The following THSD7B variants were observed in gnomAD, a reference collection of about 807,000 sequenced individuals.
THSD7B encodes thrombospondin type-1 domain-containing protein 7B.
THSD7B carries 138 observed loss-of-function variants against 213.6 expected under a neutral mutation model. The ratio of observed to expected loss-of-function variants is 0.65; its 90% CI spans 0.56 to 0.74. The LOEUF is 0.74. THSD7B is among the 30% of genes least tolerant of loss of function. The pLI, the probability that THSD7B is intolerant of heterozygous loss-of-function variation, is 0.00. For synonymous variants in THSD7B, 742 were observed against 687.0 expected (o/e 1.08, Z -1.25); for missense variants, 1,931 against 1,991.5 (o/e 0.97, Z 0.58).
chr2:136,948,888 T>G (rs1033752684), intron 2 of THSD7B, among the ~76,000 whole-genome samples: 3 of 150,350 alleles, frequency 2.0e-5, no homozygotes, highest in Admixed American at 1.3e-4. Flanking sequence ...GCTTTTTTGT[T>G]CTTATGTGGT....
At chr2:136,901,982 A>G (rs1684071189) in intron 2 of THSD7B, among the ~76,000 whole-genome samples, 1 of 152,194 alleles carries the variant, frequency 6.6e-6, no homozygotes, top group Non-Finnish European at 1.5e-5. Context: ...AGGTATGTTG[A>G]AGCAGTGTTC....
chr2:137,007,781 A>G (rs1431928106), intron 2 of THSD7B, among the ~76,000 whole-genome samples: 2 of 152,228 alleles, frequency 1.3e-5, no homozygotes, highest in Non-Finnish European at 2.9e-5. Flanking sequence ...TGAAAAACTC[A>G]GAGAAGTCTG....
chr2:137,634,131 G>T (rs1360454932), intron 20 of THSD7B, among the ~76,000 whole-genome samples: 1 of 152,034 alleles, frequency 6.6e-6, no homozygotes, highest in Admixed American at 6.6e-5. Flanking sequence ...TGATTTTGGG[G>T]TTCTTATCAG....
At chr2:137,207,631 T>C (rs761787179) in intron 7 of THSD7B, among the ~76,000 whole-genome samples, 1 of 152,036 alleles carries the variant, frequency 6.6e-6, no homozygotes, top group Admixed American at 6.6e-5. Flanking sequence ...TTTCATAATA[T>C]GGCTAAGAGA....
chr2:137,104,097 T>G (rs942706161), intron 4 of THSD7B, among the ~76,000 whole-genome samples: 2 of 152,136 alleles, frequency 1.3e-5, no homozygotes, highest in Non-Finnish European at 2.9e-5. Context: ...CAGCACCACA[T>G]CACACTTATT....
intron 2 of THSD7B, among the ~76,000 whole-genome samples, chr2:136,985,814 T>C (rs7564933): frequency 0.57 from 86,006 of 152,112 alleles, 26,069 homozygotes; most frequent in East Asian, 0.94. Context: ...AAACTCTAGC[T>C]TATGAGAGCA....
intron 12 of THSD7B, among the ~76,000 whole-genome samples, chr2:137,314,767 T>A (rs1442578147): frequency 1.3e-5 from 2 of 152,180 alleles, no homozygotes; most frequent in Non-Finnish European, 2.9e-5. Context: ...TACTCGGCCT[T>A]GTGAGGTGTC....
Position 137,034,044 on chromosome 2 carries a change from C to T in THSD7B, c.140-22376C>T, listed in dbSNP as rs541330640. Among the ~76,000 whole-genome samples the T allele has an allele frequency of 1.3e-4, 20 of 151,300 alleles. No individual in the cohort carries two copies. The South Asian group carries it at 1.5e-3, about 11-fold the overall frequency. On this transcript the variant is annotated intron_variant, in intron 2 of 27. Transcript: ENST00000409968. The stretch of plus-strand genomic sequence containing the variant: ...GTTCCCACCTATGAGTGAGAACATG[C>T]GGTGTTTGGTTTTCTGTCCTTGTGA...
intron 12 of THSD7B, among the ~76,000 whole-genome samples, chr2:137,282,553 C>A (rs12052520): frequency 0.16 from 23,539 of 151,492 alleles, 2,259 homozygotes; most frequent in East Asian, 0.48. Context: ...ACATTTAAGT[C>A]TTTAATCAAT....
intron 9 of THSD7B, among the ~76,000 whole-genome samples, chr2:137,238,534 C>CTTTTTTTTTTTTTT (rs869146863): frequency 3.9e-5 from 2 of 51,874 alleles, no homozygotes; most frequent in Admixed American, 3.5e-4. Flanking sequence ...ACTCATCTTT[C>CTTTTTTTTTTTTTT]TTTTTTTTTT....
chr2:137,501,295 C>G (rs1010197210), intron 15 of THSD7B, among the ~76,000 whole-genome samples: 2 of 152,006 alleles, frequency 1.3e-5, no homozygotes, highest in Non-Finnish European at 2.9e-5. Flanking sequence ...AAAATTACCT[C>G]TTTTAATAGA....
intron 14 of THSD7B, among the ~76,000 whole-genome samples, chr2:137,438,117 C>A (rs1458457569): frequency 3.9e-5 from 6 of 152,086 alleles, no homozygotes; most frequent in African/African-American, 1.2e-4. Context: ...ATCTACAGAG[C>A]AATTTGAAGT....
At chr2:137,179,086 T>C (rs79433365) in intron 7 of THSD7B, among the ~76,000 whole-genome samples, 1,890 of 152,292 alleles carry the variant, frequency 0.012, 34 homozygotes, top group African/African-American at 0.041. Context: ...CCATTCTATA[T>C]GATTCAAGAA....
intron 1 of THSD7B, among the ~76,000 whole-genome samples, chr2:136,808,660 GT>G (rs1302045823): frequency 6.6e-6 from 1 of 152,202 alleles, no homozygotes; most frequent in African/African-American, 2.4e-5. Flanking sequence ...GAGAGTTCTT[GT>G]TACTCCACAT....
At chr2:136,889,286 TAA>T (rs1683775356) in intron 2 of THSD7B, among the ~76,000 whole-genome samples, 1 of 152,210 alleles carries the variant, frequency 6.6e-6, no homozygotes, top group Non-Finnish European at 1.5e-5. Flanking sequence ...TTCATTTACA[TAA>T]AGAGACAGTT....
intron 15 of THSD7B, among the ~76,000 whole-genome samples, chr2:137,534,071 CTTG>C (rs1377437196): frequency 2.0e-5 from 3 of 150,882 alleles, no homozygotes; most frequent in Admixed American, 1.3e-4. Flanking sequence ...TGGGAAAGAG[CTTG>C]TTTTCTTCCA....
chr2:137,181,782 C>G (rs1460466405), intron 7 of THSD7B, among the ~76,000 whole-genome samples: 1 of 152,132 alleles, frequency 6.6e-6, no homozygotes, highest in Non-Finnish European at 1.5e-5. Flanking sequence ...TCATGGCAAA[C>G]AAAATGGACC....
chr2:136,953,136 A>G (rs959648044), intron 2 of THSD7B, among the ~76,000 whole-genome samples: 1 of 152,226 alleles, frequency 6.6e-6, no homozygotes, highest in Admixed American at 6.5e-5. Context: ...AGAAAAGTAT[A>G]TAGAGAAAAA....
intron 1 of THSD7B, among the ~76,000 whole-genome samples, chr2:136,849,153 G>A: frequency 6.6e-6 from 1 of 152,040 alleles, no homozygotes; most frequent in Non-Finnish European, 1.5e-5. Flanking sequence ...TGATACATCT[G>A]GTTTCTGATG....
Sources: allele counts gnomAD v4.1 joint callset (sites outside exome capture counted in the v4.1 genomes callset), GRCh38; gene constraint gnomAD v4.1.1; transcripts MANE v1.5; gene names NCBI Gene and HGNC (gene_info 2026-07-23, HGNC 2026-07-21).